Variants in MGAM2 observed in about 807,000 individuals in gnomAD.
MGAM2 encodes maltase-glucoamylase 2 (putative).
Under a neutral mutation model 96.1 loss-of-function variants are expected in MGAM2, and 98 were observed. The observed-to-expected ratio is 1.02, with a 90% CI of 0.87 to 1.21. The LOEUF is 1.21. MGAM2 is among the 50% of genes most tolerant of loss of function. MGAM2 has a pLI of 0.00. For synonymous variants in MGAM2, 749 were observed against 414.8 expected, an observed-to-expected ratio of 1.81 and a Z score of -9.79; for missense variants, 2,055 against 1,182.4, an observed-to-expected ratio of 1.74 and a Z score of -10.82.
At position 142,143,808 on chromosome 7, in the gene MGAM2, C is replaced by G. The variant is rs1162467073; in HGVS notation, c.1357C>G (p.Pro453Ala). The change falls in exon 13 of 48, where the codon CCA becomes GCA. Residue 453 changes from proline to alanine, a missense_variant. Pro to Ala is a conservative substitution (Grantham distance 27). Transcript: ENST00000477922. Reference protein sequence around the residue: ...GPTVFPDYTNPVCTEWWTDQV... With the variant: ...GPTVFPDYTNAVCTEWWTDQV... ...GACAGTCTTTCCCGATTATACCAAT[C>G]CAGTATGCACTGAGTGGTGGACAGA... 4.3e-6 allele frequency: 3 copies of G among 697,272 alleles called. No homozygotes were observed. The highest frequency in any genetic ancestry group is 7.9e-6 in the Non-Finnish European group (3 of 381,570). The allele number at this position is 697,272 out of a possible 1,614,324, so 43.2% of individuals were successfully genotyped here. A position where few individuals can be genotyped will look rare whatever the true frequency, so the allele number is the denominator to read the frequency against.
intron 7 of MGAM2, among the ~76,000 whole-genome samples, chr7:142,135,488 C>T (rs1433283786): frequency 6.6e-6 from 1 of 151,944 alleles, no homozygotes; most frequent in Non-Finnish European, 1.5e-5. Context: ...TGTATGCTAT[C>T]CAAGTGTGAT....
At chr7:142,147,146 A>G (rs1395494543) in intron 14 of MGAM2, among the ~76,000 whole-genome samples, 4 of 152,170 alleles carry the variant, frequency 2.6e-5, no homozygotes, top group Non-Finnish European at 5.9e-5. Flanking sequence ...GATAAACACT[A>G]TATGCTTTAT....
intron 45 of MGAM2, among the ~76,000 whole-genome samples, chr7:142,207,549 C>T (rs1413200662): frequency 3.9e-5 from 6 of 152,044 alleles, no homozygotes; most frequent in African/African-American, 7.2e-5. Flanking sequence ...CCTCAGCCTC[C>T]CGAGTAGCTG....
At chr7:142,202,993 T>G (rs1797285344) in intron 45 of MGAM2, among the ~76,000 whole-genome samples, 2 of 152,144 alleles carry the variant, frequency 1.3e-5, no homozygotes, top group Non-Finnish European at 2.9e-5. Context: ...TTATTTGACT[T>G]TTTAATAATA....
At chr7:142,186,144 CTTTT>C (rs111646116) in intron 35 of MGAM2, 21 bp downstream of exon 35, 12 of 621,688 alleles carry the variant, frequency 1.9e-5, no homozygotes, top group South Asian at 3.5e-5. Flanking sequence ...CCTTGGTTGT[CTTTT>C]TTTTTTTTTT....
chr7:142,127,691 G>T (rs112051670), intron 3 of MGAM2, among the ~76,000 whole-genome samples: 2 of 152,108 alleles, frequency 1.3e-5, no homozygotes, highest in Admixed American at 6.5e-5. Context: ...TTATAAAGGG[G>T]AGTTCCCCTG....
At chr7:142,152,992 CTTTTTTTT>C (rs10559271) in intron 15 of MGAM2, among the ~76,000 whole-genome samples, 2 of 117,122 alleles carry the variant, frequency 1.7e-5, no homozygotes, top group Admixed American at 1.8e-4. Context: ...GCTTTTATTC[CTTTTTTTT>C]TTTTTTTTTG....
intron 45 of MGAM2, chr7:142,208,238 T>C (rs547884720): frequency 2.0e-6 from 1 of 488,942 alleles, no homozygotes; most frequent in South Asian, 1.5e-5. Flanking sequence ...ACCACTGCTA[T>C]GTGAACTCCT....
chr7:142,185,661 TAA>T (rs528653689), intron 34 of MGAM2, among the ~76,000 whole-genome samples: 1 of 141,658 alleles, frequency 7.1e-6, no homozygotes, highest in Non-Finnish European at 1.6e-5. Context: ...GATATTTAAG[TAA>T]AAAAAAAAAA....
chr7:142,157,952 GC>G lies in MGAM2; in HGVS notation c.1941del (p.Phe648LeufsTer8). On this transcript the variant is annotated frameshift_variant, in exon 18 of 48. Coordinates refer to ENST00000477922, the MANE Select transcript of MGAM2 (RefSeq NM_001293626.2). LOFTEE classifies it high-confidence loss of function. Reference protein sequence around the residue: ...GPGFRDQDPAAFGVDSLLLKS... With the variant: ...GPGFRDQDPAXFGVDSLLLKS... The stretch of plus-strand genomic sequence containing the variant: ...TTTCTCCTAGGACCAGGATCCCGCT[GC>G]CTTTGGTGTTGATTCCCTGCTGCTG... 1 of 702,950 alleles carries G rather than the reference GC, an allele frequency of 1.4e-6. No individual in the cohort carries two copies. 43.5% of individuals were successfully genotyped at this position (702,950 alleles called of 1,614,324 possible).
chr7:142,203,596 G>C (rs1797305984), intron 45 of MGAM2, among the ~76,000 whole-genome samples: 2 of 151,970 alleles, frequency 1.3e-5, no homozygotes, highest in South Asian at 2.1e-4. Context: ...CCAACATCAA[G>C]CTGTACTATA....
intron 3 of MGAM2, among the ~76,000 whole-genome samples, chr7:142,127,230 T>C (rs1315640010): frequency 6.6e-6 from 1 of 152,194 alleles, no homozygotes; most frequent in Non-Finnish European, 1.5e-5. Flanking sequence ...TTGTTAATGA[T>C]CCATGACATT....
At chr7:142,199,412 G>C (rs149790554) in intron 44 of MGAM2, among the ~76,000 whole-genome samples, 1 of 152,084 alleles carries the variant, frequency 6.6e-6, no homozygotes, top group Non-Finnish European at 1.5e-5. Flanking sequence ...AGAACTGAAG[G>C]TGAAAAATGG....
At chr7:142,157,416 A>G (rs1003811459) in intron 17 of MGAM2, among the ~76,000 whole-genome samples, 4 of 149,468 alleles carry the variant, frequency 2.7e-5, no homozygotes, top group Non-Finnish European at 4.4e-5. Context: ...TTTTTGAGAC[A>G]GAGTCTCATT....
intron 45 of MGAM2, among the ~76,000 whole-genome samples, chr7:142,203,379 A>G (rs573703052): frequency 1.3e-5 from 2 of 152,292 alleles, no homozygotes; most frequent in South Asian, 2.1e-4. Flanking sequence ...CAGACAAGAC[A>G]CATAAATGGA....
chr7:142,155,719 C>T (rs1174002387), intron 17 of MGAM2, among the ~76,000 whole-genome samples: 1 of 152,070 alleles, frequency 6.6e-6, no homozygotes, highest in Non-Finnish European at 1.5e-5. Flanking sequence ...GAAGCTGTGT[C>T]CTGGAAGACT....
At chr7:142,147,370 A>G in intron 14 of MGAM2, 86 bp from the exon 15 acceptor site, 1 of 634,150 alleles carries the variant, frequency 1.6e-6, no homozygotes, top group Non-Finnish European at 2.8e-6. Context: ...GGGAAGGTAC[A>G]GTAATCAGGA....
chr7:142,166,727 C>T (rs567226033), intron 25 of MGAM2, among the ~76,000 whole-genome samples: 15 of 152,250 alleles, frequency 9.9e-5, no homozygotes, highest in East Asian at 7.7e-4. Context: ...TGCTCTGTCA[C>T]GGTTCACTCA....
rs1465501919 is a variant in MGAM2, at chr7:142,222,211, A to G, written c.*152A>G. On this transcript the variant is annotated 3_prime_UTR_variant, in exon 48 of 48. Coordinates refer to ENST00000477922, the MANE Select transcript of MGAM2 (RefSeq NM_001293626.2). ...TAGCCATAAAAGACACAGCTACTCC[A>G]AACACTCTCGTCATTGCAGACATGT... The G allele has an allele frequency of 2.5e-6, 1 of 394,668 alleles. No individual in the cohort carries two copies. Among genetic ancestry groups the G allele is most frequent in the Non-Finnish European group, 4.5e-6 (1 of 223,626 alleles). 24.4% of individuals were successfully genotyped at this position (394,668 alleles called of 1,614,324 possible).
Sources: allele counts gnomAD v4.1 joint callset (sites outside exome capture counted in the v4.1 genomes callset), GRCh38; gene constraint gnomAD v4.1.1; transcripts MANE v1.5; gene names NCBI Gene and HGNC (gene_info 2026-07-23, HGNC 2026-07-21).